The following CFAP210 variants were observed in gnomAD, a reference collection of about 807,000 sequenced individuals.
CFAP210 encodes the protein cilia- and flagella- associated protein 210.
chr2:169,670,853 C>T, the CFAP210 span, among the ~76,000 whole-genome samples: 1 of 152,128 alleles, frequency 6.6e-6, no homozygotes, highest in Non-Finnish European at 1.5e-5. Context: ...AAATGAGTTA[C>T]TATGTATAGC....
chr2:169,655,995 C>A, the CFAP210 span, among the ~76,000 whole-genome samples: 1 of 152,164 alleles, frequency 6.6e-6, no homozygotes, highest in African/African-American at 2.4e-5. Context: ...ACTACATGTG[C>A]AGCTTTCTTT....
At chr2:169,645,819 C>A in the CFAP210 span, 1 of 1,501,276 alleles carries the variant, frequency 6.7e-7, no homozygotes, top group Admixed American at 1.9e-5. Flanking sequence ...TTAGTCTTCT[C>A]AATGTTAAAA....
At chr2:169,694,319 G>A in the CFAP210 span, 1 of 1,614,042 alleles carries the variant, frequency 6.2e-7, no homozygotes, top group Non-Finnish European at 8.5e-7. Context: ...TCTCTGACGA[G>A]GTGTCCATGA....
the CFAP210 span, among the ~76,000 whole-genome samples, chr2:169,676,335 T>A: frequency 6.6e-6 from 1 of 151,522 alleles, no homozygotes; most frequent in African/African-American, 2.4e-5. Context: ...CAATGGAGAG[T>A]TAAAGCGTTA....
At chr2:169,680,904 T>C in the CFAP210 span, 1 of 921,974 alleles carries the variant, frequency 1.1e-6, no homozygotes, top group Middle Eastern at 2.4e-4. Flanking sequence ...TGCATTTTTA[T>C]GAAATTTTAC....
At chr2:169,671,473 T>C in the CFAP210 span, among the ~76,000 whole-genome samples, 1 of 152,236 alleles carries the variant, frequency 6.6e-6, no homozygotes, top group South Asian at 2.1e-4. Context: ...TCCCAGATTC[T>C]GAACTTCTTT....
chr2:169,674,494 T>C, the CFAP210 span: 2 of 1,155,490 alleles, frequency 1.7e-6, no homozygotes, highest in Non-Finnish European at 2.4e-6. Flanking sequence ...TTTTAGCATG[T>C]ATTACTTTTA....
At chr2:169,660,203 A>G in the CFAP210 span, among the ~76,000 whole-genome samples, 4 of 152,172 alleles carry the variant, frequency 2.6e-5, no homozygotes, top group African/African-American at 9.6e-5. Context: ...CCTGGCCAAC[A>G]TGGTGAAATC....
At chr2:169,654,979 A>G in the CFAP210 span, among the ~76,000 whole-genome samples, 1 of 152,190 alleles carries the variant, frequency 6.6e-6, no homozygotes, top group Admixed American at 6.5e-5. Context: ...CATATAAGAA[A>G]AAACAGATAT....
At chr2:169,659,477 G>GT in the CFAP210 span, among the ~76,000 whole-genome samples, 1 of 152,188 alleles carries the variant, frequency 6.6e-6, no homozygotes, top group African/African-American at 2.4e-5. Context: ...CAGAGAGAGT[G>GT]TGAAGGGGGA....
the CFAP210 span, chr2:169,694,198 C>T: frequency 6.5e-7 from 1 of 1,529,708 alleles, no homozygotes; most frequent in Non-Finnish European, 9.1e-7. Context: ...GCATCCTCGC[C>T]TCTCACTCCA....
chr2:169,654,625 G>A, the CFAP210 span, among the ~76,000 whole-genome samples: 1 of 152,046 alleles, frequency 6.6e-6, no homozygotes, highest in Non-Finnish European at 1.5e-5. Context: ...ATAAATGACT[G>A]GAAGAAATGT....
chr2:169,658,560 C>G, the CFAP210 span: 8 of 160,506 alleles, frequency 5.0e-5, no homozygotes, highest in African/African-American at 1.9e-4. Flanking sequence ...GAGAAGAAGT[C>G]TTAGGAATAA....
the CFAP210 span, among the ~76,000 whole-genome samples, chr2:169,675,918 T>G: frequency 1.3e-5 from 2 of 152,228 alleles, no homozygotes; most frequent in Non-Finnish European, 2.9e-5. Context: ...CTTTTCCTTA[T>G]TGGTCCTATT....
chr2:169,688,593 A>C, the CFAP210 span, among the ~76,000 whole-genome samples: 1 of 152,208 alleles, frequency 6.6e-6, no homozygotes, highest in Non-Finnish European at 1.5e-5. Context: ...ACAAATCTCT[A>C]GGGCAGAGGT....
At chr2:169,678,360 A>AAAAG in the CFAP210 span, among the ~76,000 whole-genome samples, 9 of 134,392 alleles carry the variant, frequency 6.7e-5, no homozygotes, top group South Asian at 2.4e-4. Context: ...AAAAAAAAAA[A>AAAAG]AAAGAAAGAA....
the CFAP210 span, among the ~76,000 whole-genome samples, chr2:169,652,842 A>G: frequency 1.4e-5 from 2 of 146,480 alleles, no homozygotes; most frequent in Non-Finnish European, 3.0e-5. Context: ...AAAAATTACA[A>G]AAAAAAAACT....
At chr2:169,674,725 C>G in the CFAP210 span, 1 of 1,601,646 alleles carries the variant, frequency 6.2e-7, no homozygotes, top group South Asian at 1.1e-5. Context: ...GGAATTCAAT[C>G]TGGGCATCAC....
the CFAP210 span, chr2:169,681,131 CT>C: frequency 1.9e-6 from 3 of 1,613,920 alleles, no homozygotes; most frequent in Non-Finnish European, 2.5e-6. Flanking sequence ...ATCTTGAATC[CT>C]TTTCCACTCA....
Sources: allele counts gnomAD v4.1 joint callset (sites outside exome capture counted in the v4.1 genomes callset), GRCh38; gene constraint gnomAD v4.1.1; transcripts MANE v1.5; gene names NCBI Gene and HGNC (gene_info 2026-07-23, HGNC 2026-07-21).